Variants in OXR1 observed in about 807,000 individuals in gnomAD.
The protein encoded by OXR1 is oxidation resistance protein 1.
OXR1 carries 41 observed loss-of-function variants against 104.6 expected under a neutral mutation model. The observed-to-expected ratio is 0.39, with a 90% CI of 0.31 to 0.51. OXR1 has a LOEUF of 0.51. Among genes scored for constraint, OXR1 ranks in the 20% least tolerant of loss-of-function variants. The pLI is 0.77. For synonymous variants in OXR1, 348 were observed against 348.4 expected (o/e 1.00, Z 0.01); for missense variants, 955 against 1,031.9 (o/e 0.93, Z 1.02).
intron 3 of OXR1, among the ~76,000 whole-genome samples, chr8:106,645,571 A>G (rs1477629454): frequency 2.0e-5 from 3 of 152,196 alleles, no homozygotes; most frequent in Admixed American, 1.3e-4. Context: ...TGACCAGTGC[A>G]TGATTCTGCT....
intron 1 of OXR1, among the ~76,000 whole-genome samples, chr8:106,286,974 G>A (rs556392842): frequency 6.6e-6 from 1 of 152,194 alleles, no homozygotes; most frequent in Non-Finnish European, 1.5e-5. Context: ...CTAGAAAATA[G>A]GAGTCAGTCA....
Position 106,730,232 on chromosome 8 carries a change from T to C in OXR1, c.1957-7288T>C. On this transcript the variant is annotated intron_variant, in intron 11 of 16. Transcript: ENST00000517566. ...TATGTTACAGTGTATGAACTAATATTGATATATTGTCATGCAGAGTCTATA... is the reference window on the plus strand; with the variant it reads ...TATGTTACAGTGTATGAACTAATATCGATATATTGTCATGCAGAGTCTATA... Among the ~76,000 whole-genome samples the C allele has an allele frequency of 1.3e-5, 2 of 152,122 alleles. 1 individual carries two copies. Among genetic ancestry groups the C allele is most frequent in the Non-Finnish European group, 2.9e-5 (2 of 68,022 alleles).
intron 7 of OXR1, among the ~76,000 whole-genome samples, chr8:106,696,780 C>T (rs373942260): frequency 9.9e-5 from 15 of 152,076 alleles, no homozygotes; most frequent in African/African-American, 3.6e-4. Flanking sequence ...ACTCATCTTC[C>T]TCAAGCCCCA....
chr8:106,549,434 A>T (rs1453759102), intron 3 of OXR1, among the ~76,000 whole-genome samples: 1 of 152,214 alleles, frequency 6.6e-6, no homozygotes. Flanking sequence ...ATGTATGAAC[A>T]CAATTTAGAA....
chr8:106,618,149 A>G, intron 3 of OXR1: 5 of 1,536,106 alleles, frequency 3.3e-6, no homozygotes, highest in Non-Finnish European at 4.4e-6. Flanking sequence ...CAAGGTTCGA[A>G]GGAAGGACCT....
intron 2 of OXR1, among the ~76,000 whole-genome samples, chr8:106,464,551 G>A (rs1039915289): frequency 5.3e-5 from 8 of 151,992 alleles, no homozygotes; most frequent in Admixed American, 2.0e-4. Flanking sequence ...TTGAGTGCAG[G>A]AGCTTTCGAC....
chr8:106,661,056 G>C (rs1172432173), intron 3 of OXR1, among the ~76,000 whole-genome samples: 1 of 151,588 alleles, frequency 6.6e-6, no homozygotes, highest in African/African-American at 2.4e-5. Flanking sequence ...CACACTCCTG[G>C]AATCCCAGCT....
intron 3 of OXR1, among the ~76,000 whole-genome samples, chr8:106,529,228 CATGGGATTCA>C (rs1813912697): frequency 6.6e-6 from 1 of 152,034 alleles, no homozygotes; most frequent in African/African-American, 2.4e-5. Flanking sequence ...TTAATAAGAC[CATGGGATTCA>C]ATATATGTTT....
At chr8:106,514,204 A>G (rs1812720441) in intron 2 of OXR1, among the ~76,000 whole-genome samples, 1 of 152,128 alleles carries the variant, frequency 6.6e-6, no homozygotes, top group Non-Finnish European at 1.5e-5. Context: ...TATCTCGTGC[A>G]CACCTATATG....
intron 3 of OXR1, among the ~76,000 whole-genome samples, chr8:106,553,078 G>GA (rs989519515): frequency 6.6e-6 from 1 of 151,762 alleles, no homozygotes; most frequent in Non-Finnish European, 1.5e-5. Flanking sequence ...ACCAAAGAGA[G>GA]AAAAAAAATT....
At chr8:106,434,142 TA>T (rs11287633) in intron 2 of OXR1, among the ~76,000 whole-genome samples, 80,680 of 151,800 alleles carry the variant, frequency 0.53, 25,191 homozygotes, top group African/African-American at 0.86. Context: ...TATTTTCTCC[TA>T]AAAAAAACTA....
At chr8:106,600,436 A>C (rs956476600) in intron 3 of OXR1, among the ~76,000 whole-genome samples, 4 of 152,166 alleles carry the variant, frequency 2.6e-5, no homozygotes, top group Non-Finnish European at 5.9e-5. Context: ...ACCAGTGGCC[A>C]TTCAGCTTCT....
intron 1 of OXR1, among the ~76,000 whole-genome samples, chr8:106,306,378 T>C (rs2130112680): frequency 6.6e-6 from 1 of 152,232 alleles, no homozygotes; most frequent in Admixed American, 6.5e-5. Context: ...ACTTAACCTG[T>C]GACTAGAAAG....
At chr8:106,431,927 A>C (rs1342487961) in intron 2 of OXR1, among the ~76,000 whole-genome samples, 1 of 152,200 alleles carries the variant, frequency 6.6e-6, no homozygotes, top group Non-Finnish European at 1.5e-5. Context: ...TTTGTCTTAA[A>C]GAAATAAAAT....
intron 11 of OXR1, among the ~76,000 whole-genome samples, chr8:106,735,056 G>A (rs958577380): frequency 1.8e-4 from 27 of 152,196 alleles, no homozygotes; most frequent in Admixed American, 7.2e-4. Context: ...TGTATACATG[G>A]AGTATGGTTT....
intron 2 of OXR1, among the ~76,000 whole-genome samples, chr8:106,477,734 C>T (rs993457279): frequency 6.6e-6 from 1 of 151,694 alleles, no homozygotes; most frequent in Non-Finnish European, 1.5e-5. Flanking sequence ...TTCACATGTA[C>T]CTGGATTCTC....
At chr8:106,675,033 GA>G (rs1354886085) in intron 3 of OXR1, among the ~76,000 whole-genome samples, 2 of 152,092 alleles carry the variant, frequency 1.3e-5, no homozygotes, top group Non-Finnish European at 2.9e-5. Context: ...AGAAACTAAT[GA>G]AAAGAGAATT....
chr8:106,747,739 A>G (rs1201485804), intron 16 of OXR1, among the ~76,000 whole-genome samples: 1 of 152,210 alleles, frequency 6.6e-6, no homozygotes, highest in East Asian at 1.9e-4. Flanking sequence ...AAATAATCCA[A>G]TTTTATATGT....
At chr8:106,729,404 T>C in intron 11 of OXR1, among the ~76,000 whole-genome samples, 1 of 152,210 alleles carries the variant, frequency 6.6e-6, no homozygotes, top group South Asian at 2.1e-4. Flanking sequence ...ATATATACTT[T>C]ATACATATTA....
Sources: allele counts gnomAD v4.1 joint callset (sites outside exome capture counted in the v4.1 genomes callset), GRCh38; gene constraint gnomAD v4.1.1; transcripts MANE v1.5; gene names NCBI Gene and HGNC (gene_info 2026-07-23, HGNC 2026-07-21).